The following VPS37A variants were observed in gnomAD, a reference collection of about 807,000 sequenced individuals.
VPS37A encodes the protein VPS37A subunit of ESCRT-I, also known as vacuolar protein sorting-associated protein 37A.
In VPS37A, 30 loss-of-function variants were observed where a neutral mutation model predicts 49.8. That is an observed-to-expected ratio of 0.60 (90% CI 0.45 to 0.82). The LOEUF (loss-of-function observed/expected upper bound fraction) is 0.82, where lower values mean the gene tolerates loss of function less well. Among genes scored for constraint, VPS37A ranks in the 40% least tolerant of loss-of-function variants. The pLI is 0.00. For missense variants in VPS37A, 593 were observed against 464.4 expected, an observed-to-expected ratio of 1.28 and a Z score of -2.55; for synonymous variants, 195 against 160.6, an observed-to-expected ratio of 1.21 and a Z score of -1.62.
chr8:17,265,593 A>G (rs1813374891), intron 1 of VPS37A, among the ~76,000 whole-genome samples: 2 of 152,208 alleles, frequency 1.3e-5, no homozygotes. Flanking sequence ...CGGAGAGCAC[A>G]CAATTGCTTC....
intron 1 of VPS37A, chr8:17,265,657 A>C: frequency 1.2e-6 from 1 of 850,586 alleles, no homozygotes; most frequent in Non-Finnish European, 1.8e-6. Context: ...ATTAATGAAG[A>C]GTTTTTTCTT....
At chr8:17,283,426 G>A (rs1166381835) in intron 9 of VPS37A, among the ~76,000 whole-genome samples, 1 of 152,174 alleles carries the variant, frequency 6.6e-6, no homozygotes, top group East Asian at 1.9e-4. Context: ...ACAGTGCTGG[G>A]ATTACAGGCA....
intron 11 of VPS37A, among the ~76,000 whole-genome samples, chr8:17,290,911 C>G (rs1373760106): frequency 6.6e-6 from 1 of 152,074 alleles, no homozygotes; most frequent in African/African-American, 2.4e-5. Context: ...TGTATGTGTC[C>G]AGGAATTTAT....
At chr8:17,278,789 G>T (rs1814762761) in intron 6 of VPS37A, among the ~76,000 whole-genome samples, 1 of 151,808 alleles carries the variant, frequency 6.6e-6, no homozygotes, top group Admixed American at 6.6e-5. Context: ...TTTTCTCTGG[G>T]TGTTGATATA....
rs117165264 is a variant in VPS37A at position 17,268,839 on chromosome 8, T to C, written c.316-17T>C. 25,024 of 1,528,132 alleles carry C rather than the reference T, an allele frequency of 0.016. 277 individuals are homozygous for C. The highest frequency in any genetic ancestry group is 0.02 in the Non-Finnish European group (22,331 of 1,110,368). 94.7% of individuals were successfully genotyped at this position (1,528,132 alleles called of 1,614,324 possible). ...TTTCTGGAAGTGATTTTAAGCGTCA[T>C]GTATTGTTACTTTCAGTTTACAATG... is the stretch of plus-strand genomic sequence containing the variant. On this transcript the variant is annotated splice_polypyrimidine_tract_variant and intron_variant, in intron 3 of 11. Transcript: ENST00000324849.
downstream of VPS37A, chr8:17,304,465 G>C: frequency 6.2e-7 from 1 of 1,614,024 alleles, no homozygotes. Context: ...GATTCAGGTA[G>C]TCGGCCCGAT....
chr8:17,322,580 G>C, the VPS37A span, among the ~76,000 whole-genome samples: 2 of 152,194 alleles, frequency 1.3e-5, no homozygotes, highest in African/African-American at 4.8e-5. Context: ...AGAACTTTGG[G>C]AGGCCAAGGC....
intron 5 of VPS37A, 39 bp downstream of exon 5, chr8:17,274,997 ACATT>A: frequency 6.4e-7 from 1 of 1,566,628 alleles, no homozygotes. Flanking sequence ...TGCCACTGAA[ACATT>A]CATTCAATCC....
At chr8:17,314,353 A>G in the VPS37A span, among the ~76,000 whole-genome samples, 2 of 151,770 alleles carry the variant, frequency 1.3e-5, no homozygotes, top group African/African-American at 2.4e-5. Flanking sequence ...TCTACCCCCA[A>G]CTCCATGGGC....
intron 10 of VPS37A, among the ~76,000 whole-genome samples, chr8:17,285,137 G>GT (rs1177970994): frequency 6.6e-6 from 1 of 152,138 alleles, no homozygotes; most frequent in Non-Finnish European, 1.5e-5. Context: ...CTGAACTGGA[G>GT]TTTTGAGTGC....
At chr8:17,311,727 A>G in the VPS37A span, 1 of 1,571,474 alleles carries the variant, frequency 6.4e-7, no homozygotes, top group African/African-American at 1.4e-5. Context: ...GTATATTTAC[A>G]GAAAGAAACA....
At chr8:17,304,019 G>C (rs1321102148), downstream of VPS37A, among the ~76,000 whole-genome samples, 1 of 152,130 alleles carries the variant, frequency 6.6e-6, no homozygotes, top group Non-Finnish European at 1.5e-5. Context: ...AATTATTTTT[G>C]CTCCAACCTT....
At chr8:17,308,717 G>A in the VPS37A span, among the ~76,000 whole-genome samples, 4 of 152,108 alleles carry the variant, frequency 2.6e-5, no homozygotes, top group Middle Eastern at 3.2e-3. Context: ...AACAGCTTTG[G>A]CATCCCCATT....
chr8:17,333,030 G>C, the VPS37A span, among the ~76,000 whole-genome samples: 1 of 152,014 alleles, frequency 6.6e-6, no homozygotes, highest in Admixed American at 6.6e-5. Context: ...AAGTATATTA[G>C]AAGTGAAAAA....
intron 1 of VPS37A, 117 bp from the exon 2 acceptor site, chr8:17,265,790 T>C (rs781268834): frequency 1.3e-6 from 2 of 1,560,664 alleles, no homozygotes; most frequent in South Asian, 2.3e-5. Context: ...ATGCTGGCTA[T>C]CCAGATTCTG....
At chr8:17,285,304 C>T (rs1815487911) in intron 10 of VPS37A, among the ~76,000 whole-genome samples, 1 of 152,024 alleles carries the variant, frequency 6.6e-6, no homozygotes, top group Non-Finnish European at 1.5e-5. Flanking sequence ...AAATCTAGTC[C>T]TAATAGTTGA....
chr8:17,251,332 A>G (rs1320782646), intron 1 of VPS37A, among the ~76,000 whole-genome samples: 1 of 152,208 alleles, frequency 6.6e-6, no homozygotes. Context: ...ATGTGAGACA[A>G]CCCTGATCCT....
chr8:17,262,544 G>C lies in VPS37A; in HGVS notation c.126-3363G>C, dbSNP rs1278003869. ...TTGCAGGTCATTTAAATTTTCTCTTGTGGTGTGATTAAAATATTACTTTAA... is the reference window on the plus strand; with the variant it reads ...TTGCAGGTCATTTAAATTTTCTCTTCTGGTGTGATTAAAATATTACTTTAA... On this transcript the variant is annotated intron_variant, in intron 1 of 11. Transcript: ENST00000324849. 2.6e-5 allele frequency among the ~76,000 whole-genome samples: 4 copies of C among 151,458 alleles called. No homozygotes were observed. In the East Asian group the frequency reaches 7.8e-4, roughly 30 times the overall value.
At chr8:17,278,820 T>C (rs1393116244) in intron 6 of VPS37A, among the ~76,000 whole-genome samples, 1 of 152,146 alleles carries the variant, frequency 6.6e-6, no homozygotes, top group African/African-American at 2.4e-5. Context: ...TACAGGTTTA[T>C]TTATTTTCAA....
Sources: gnomAD v4.1 joint callset for allele counts (sites outside exome capture counted in the v4.1 genomes callset) on GRCh38, gnomAD v4.1.1 for gene constraint, MANE v1.5 for transcripts, NCBI Gene and HGNC (gene_info 2026-07-23, HGNC 2026-07-21) for gene names.